The following APC variants were observed in gnomAD, a reference collection of about 807,000 sequenced individuals.
APC encodes the protein adenomatous polyposis coli protein.
A neutral mutation model predicts 247.0 loss-of-function variants in APC; 72 were observed. The observed-to-expected ratio is 0.29, with a 90% CI of 0.24 to 0.35. The LOEUF (loss-of-function observed/expected upper bound fraction) is 0.35, where lower values mean the gene tolerates loss of function less well. Among genes scored for constraint, APC ranks in the 10% least tolerant of loss-of-function variants. The pLI is 1.00. For missense variants in APC, 3,400 were observed against 3,360.7 expected (o/e 1.01, Z -0.29); for synonymous variants, 1,254 against 1,162.5 (o/e 1.08, Z -1.60).
chr5:112,833,233 A>T, intron 14 of APC, among the ~76,000 whole-genome samples: 1 of 138,330 alleles, frequency 7.2e-6, no homozygotes, highest in Non-Finnish European at 1.5e-5. Context: ...CCTAGGCTGG[A>T]GTATAGTGGC....
intron 14 of APC, chr5:112,829,245 T>G (rs1412355834): frequency 9.2e-6 from 3 of 326,272 alleles, no homozygotes; most frequent in Non-Finnish European, 1.2e-5. Flanking sequence ...TTCAAGTGAT[T>G]CTCCTGCCTC....
chr5:112,774,871 C>T (rs941406711), intron 4 of APC, among the ~76,000 whole-genome samples: 1 of 152,106 alleles, frequency 6.6e-6, no homozygotes, highest in African/African-American at 2.4e-5. Context: ...TATAAGTATG[C>T]ACATATGTCC....
intron 1 of APC, among the ~76,000 whole-genome samples, chr5:112,712,587 G>A (rs1561397636): frequency 6.6e-6 from 1 of 150,552 alleles, no homozygotes; most frequent in African/African-American, 2.5e-5. Context: ...AGCGACCGGG[G>A]CTTGCTGTAT....
At position 112,835,060 on chromosome 5, in the gene APC, G is replaced by A. The variant is rs1445214425; in HGVS notation, c.1853G>A (p.Gly618Asp). The A allele has an allele frequency of 6.2e-7, 1 of 1,614,108 alleles. No homozygotes were observed. Among genetic ancestry groups the A allele is most frequent in the East Asian group, 2.2e-5 (1 of 44,876 alleles). Residue 618 changes from glycine to aspartate, a missense_variant, in exon 15 of 16, where the codon GGC (glycine) becomes GAC (aspartate). Gly to Asp is a moderately conservative substitution (Grantham distance 94). This residue lies in a region of APC where 184 missense variants were observed against 248.0 expected (regional missense o/e 0.74). Coordinates refer to ENST00000257430, the MANE Select transcript of APC (RefSeq NM_000038.6). ...GATGGTGCACTTGCATTTTTGGTTG[G>A]CACTCTTACTTACCGGAGCCAGACA... ...AVDGALAFLV[G>D]TLTYRSQTNT...
chr5:112,772,348 A>G (rs940976003), intron 4 of APC, among the ~76,000 whole-genome samples: 3 of 152,120 alleles, frequency 2.0e-5, no homozygotes, highest in Non-Finnish European at 2.9e-5. Flanking sequence ...ATCACTTGCT[A>G]TCATTTTAGC....
intron 2 of APC, among the ~76,000 whole-genome samples, chr5:112,755,390 C>G (rs564522342): frequency 1.3e-5 from 2 of 152,224 alleles, no homozygotes; most frequent in Admixed American, 6.5e-5. Flanking sequence ...CCTTCCTCCC[C>G]AACTCCCTCA....
chr5:112,807,276 T>C (rs1277657388), intron 8 of APC, among the ~76,000 whole-genome samples: 2 of 152,204 alleles, frequency 1.3e-5, no homozygotes, highest in African/African-American at 4.8e-5. Flanking sequence ...CAGTTTACTG[T>C]GGTAATTGTA....
At position 112,838,528 on chromosome 5, in the gene APC, A is replaced by G. The variant is rs1765298867; in HGVS notation, c.2934A>G (p.Gln978=). 5 of 1,614,216 alleles carry G rather than the reference A, an allele frequency of 3.1e-6. No homozygotes were observed. Among genetic ancestry groups the G allele is most frequent in the East Asian group, 4.5e-5 (2 of 44,882 alleles). The change falls in exon 16 of 16, where the codon CAA becomes CAG. Residue 978 remains glutamine, a synonymous_variant. Coordinates refer to ENST00000257430, the MANE Select transcript of APC (RefSeq NM_000038.6). The stretch of plus-strand genomic sequence containing the variant: ...GTGATGGTTATGGTAAAAGAGGTCA[A>G]ATGAAACCCTCGATTGAATCCTATT... ...SSSDGYGKRG[Q]MKPSIESYSE...
rs768878237 is a variant in APC at position 112,841,570 on chromosome 5, C to G, written c.5976C>G (p.Pro1992=). 6.2e-7 allele frequency: 1 copy of G among 1,613,888 alleles called. No individual in the cohort carries two copies. The highest frequency in any genetic ancestry group is 8.5e-7 in the Non-Finnish European group (1 of 1,179,872). The change falls in exon 16 of 16, where the codon CCC becomes CCG. Residue 1992 remains proline (P), a synonymous_variant. Transcript: ENST00000257430. The surrounding 1 kb of genome is among the most constrained non-coding windows in gnomAD (Gnocchi z 4.6). The part of the protein sequence containing the change: ...KENEPIKETE[P]PDSQGEPSKP... ...ATGAACCTATCAAAGAGACTGAGCC[C>G]CCTGACTCACAGGGAGAACCAAGTA...
At chr5:112,813,771 AAG>A (rs1762217988) in intron 8 of APC, among the ~76,000 whole-genome samples, 1 of 148,870 alleles carries the variant, frequency 6.7e-6, no homozygotes, top group Admixed American at 6.6e-5. Context: ...AAAAAGAAAA[AAG>A]AAAAAAAAAT....
At chr5:112,795,468 T>C (rs1289939452) in intron 7 of APC, among the ~76,000 whole-genome samples, 10 of 152,226 alleles carry the variant, frequency 6.6e-5, no homozygotes, top group Middle Eastern at 3.2e-3. Context: ...CCAGCCTCCT[T>C]CTCTTCCTGG....
intron 9 of APC, 127 bp from the exon 10 acceptor site, chr5:112,818,839 T>C (rs1407025595): frequency 2.3e-6 from 2 of 875,404 alleles, no homozygotes; most frequent in African/African-American, 1.7e-5. Context: ...TTTTTGTTTT[T>C]TTTTTGGCGG....
intron 8 of APC, chr5:112,809,999 A>T: frequency 2.8e-6 from 1 of 351,772 alleles, no homozygotes; most frequent in South Asian, 2.3e-5. Context: ...CCGTCTCAAA[A>T]AAAAAAGTAG....
chr5:112,811,384 A>G (rs555966225), intron 8 of APC, among the ~76,000 whole-genome samples: 48 of 152,350 alleles, frequency 3.2e-4, no homozygotes, highest in Non-Finnish European at 5.7e-4. Context: ...TTAGGAAGTT[A>G]TTAATCATTT....
intron 14 of APC, among the ~76,000 whole-genome samples, chr5:112,832,191 C>T (rs986184850): frequency 3.3e-5 from 5 of 152,018 alleles, no homozygotes; most frequent in Non-Finnish European, 7.4e-5. Context: ...AACCTCTGGC[C>T]CTTGACATGT....
intron 2 of APC, among the ~76,000 whole-genome samples, chr5:112,764,522 A>G (rs1756048517): frequency 6.6e-6 from 1 of 152,222 alleles, no homozygotes; most frequent in Admixed American, 6.5e-5. Flanking sequence ...CTGAGAGAAT[A>G]CAAGGCAAAG....
At chr5:112,798,978 G>C (rs1398838525) in intron 7 of APC, among the ~76,000 whole-genome samples, 2 of 152,036 alleles carry the variant, frequency 1.3e-5, no homozygotes, top group African/African-American at 2.4e-5. Context: ...GGGAAACTGA[G>C]GTGGGCAGAT....
At chr5:112,774,295 T>A (rs1757361079) in intron 4 of APC, among the ~76,000 whole-genome samples, 1 of 152,112 alleles carries the variant, frequency 6.6e-6, no homozygotes, top group Admixed American at 6.6e-5. Flanking sequence ...ATCCTAAAGT[T>A]TTTGAGTAAC....
chr5:112,750,150 A>T (rs538710686), intron 1 of APC, among the ~76,000 whole-genome samples: 6 of 151,154 alleles, frequency 4.0e-5, no homozygotes, highest in African/African-American at 1.2e-4. Flanking sequence ...TTTAGTAGAG[A>T]TCGGGTTTCA....
Sources: gnomAD v4.1 joint callset for allele counts (sites outside exome capture counted in the v4.1 genomes callset) on GRCh38, gnomAD v4.1.1 for gene constraint, gnomAD v4.1.1 regional missense constraint, Gnocchi (gnomAD v3.1) non-coding constraint, MANE v1.5 for transcripts, NCBI Gene and HGNC (gene_info 2026-07-23, HGNC 2026-07-21) for gene names.